RTCA: variants seen among roughly 807,000 people sequenced by gnomAD.
RTCA encodes the protein RNA 3'-terminal phosphate cyclase, also known as RNA terminal phosphate cyclase domain 1.
Under a neutral mutation model 46.1 loss-of-function variants are expected in RTCA, and 37 were observed. That is an observed-to-expected ratio of 0.80 (90% CI 0.62 to 1.06). The LOEUF (loss-of-function observed/expected upper bound fraction) is 1.06, where lower values mean the gene tolerates loss of function less well. Among genes scored for constraint, RTCA ranks in the 50% least tolerant of loss-of-function variants. The pLI is 0.00. For missense variants in RTCA, 435 were observed against 455.5 expected, an observed-to-expected ratio of 0.95 and a Z score of 0.41; for synonymous variants, 164 against 158.3, an observed-to-expected ratio of 1.04 and a Z score of -0.27.
chr1:100,275,634 C>T lies in RTCA; in HGVS notation c.651C>T (p.Cys217=). 6.2e-7 allele frequency: 1 copy of T among 1,611,536 alleles called. No homozygotes were observed. The highest frequency in any genetic ancestry group is 1.1e-5 in the South Asian group (1 of 90,496). The part of the protein sequence containing the change: ...AKDMAAAAVR[C]IRKEIRDLYV... ...ATATGGCAGCGGCAGCAGTTAGATG[C>T]ATCAGAAAGGAGATCCGGGATTTGT... is the stretch of plus-strand genomic sequence containing the variant. The change falls in exon 7 of 11, where the codon TGC becomes TGT. Residue 217 remains cysteine, a synonymous_variant. Coordinates refer to ENST00000370128, the MANE Select transcript of RTCA (RefSeq NM_003729.4).
At chr1:100,270,446 G>C (rs1666022317) in intron 3 of RTCA, 111 bp from the exon 4 acceptor site, 5 of 1,318,830 alleles carry the variant, frequency 3.8e-6, no homozygotes, top group Non-Finnish European at 5.2e-6. Flanking sequence ...TGCCTTCACA[G>C]TTGTCTGTGC....
At chr1:100,267,650 A>G (rs1570870558) in intron 2 of RTCA, 3 of 752,906 alleles carry the variant, frequency 4.0e-6, no homozygotes, top group Admixed American at 7.9e-5. Context: ...TGTATGTTCT[A>G]GTTTTTTTTT....
At chr1:100,283,160 C>CTTTTT (rs71084815) in intron 8 of RTCA, among the ~76,000 whole-genome samples, 3 of 102,090 alleles carry the variant, frequency 2.9e-5, no homozygotes, top group Non-Finnish European at 5.6e-5. Context: ...CCAAATATTC[C>CTTTTT]TTTTTTTTTT....
chr1:100,269,217 A>G (rs1665947220), intron 3 of RTCA, among the ~76,000 whole-genome samples: 1 of 151,826 alleles, frequency 6.6e-6, no homozygotes. Flanking sequence ...AAAGATAATG[A>G]CCAAGTGTTT....
chr1:100,285,360 T>A (rs1045138873), intron 9 of RTCA, 38 bp downstream of exon 9: 3 of 1,332,746 alleles, frequency 2.3e-6, no homozygotes, highest in Non-Finnish European at 3.2e-6. Flanking sequence ...TCTAACCTGT[T>A]AGATTTGAAT....
chr1:100,274,775 T>C (rs995930775), intron 5 of RTCA, 49 bp from the exon 6 acceptor site: 2 of 1,550,458 alleles, frequency 1.3e-6, no homozygotes, highest in Non-Finnish European at 1.8e-6. Flanking sequence ...TAGAGCTTTG[T>C]TTTTGTCATG....
chr1:100,287,912 G>A (rs545189176), intron 10 of RTCA, among the ~76,000 whole-genome samples: 48 of 151,454 alleles, frequency 3.2e-4, no homozygotes, highest in Non-Finnish European at 5.1e-4. Flanking sequence ...TCCTGCCTTA[G>A]CCTCCCAAGT....
intron 3 of RTCA, 108 bp downstream of exon 3, chr1:100,268,403 GTT>G (rs5776503): frequency 3.7e-4 from 267 of 712,060 alleles, no homozygotes; most frequent in Admixed American, 4.0e-4. Context: ...CTACTTTTAT[GTT>G]TTTTTTTTTT....
intron 3 of RTCA, 24 bp downstream of exon 3, chr1:100,268,319 T>A: frequency 1.3e-6 from 2 of 1,561,332 alleles, no homozygotes; most frequent in South Asian, 2.3e-5. Flanking sequence ...AACATTCCAT[T>A]TAAGTAACCT....
intron 8 of RTCA, among the ~76,000 whole-genome samples, chr1:100,283,495 C>T (rs1485069553): frequency 6.6e-6 from 1 of 152,146 alleles, no homozygotes; most frequent in Non-Finnish European, 1.5e-5. Context: ...AATCCAAAAT[C>T]TGAAACCTTC....
chr1:100,286,017 C>T (rs960793880), intron 9 of RTCA, among the ~76,000 whole-genome samples: 1 of 152,140 alleles, frequency 6.6e-6, no homozygotes, highest in Non-Finnish European at 1.5e-5. Flanking sequence ...TTAGTTTGTC[C>T]AGTCTCATGG....
At chr1:100,290,264 T>C (rs914883112) in intron 10 of RTCA, among the ~76,000 whole-genome samples, 1 of 152,036 alleles carries the variant, frequency 6.6e-6, no homozygotes, top group African/African-American at 2.4e-5. Context: ...TTTAATTGTT[T>C]TGATTTTTTT....
chr1:100,268,044 T>C lies in RTCA; in HGVS notation c.147-108T>C, dbSNP rs896472897. On this transcript the variant is annotated intron_variant, in intron 2 of 10. Transcript: ENST00000370128. ...ACTGAAGATGTGGCACTTACTGTGG[T>C]TAGACCTTGCTGTTTTCTTGCCATT... 75 of 1,508,404 alleles carry C rather than the reference T, an allele frequency of 5.0e-5. No individual in the cohort carries two copies. The South Asian group carries it at 9.7e-4, about 19-fold the overall frequency. The allele number at this position is 1,508,404 out of a possible 1,614,324, so 93.4% of individuals were successfully genotyped here.
intron 5 of RTCA, 133 bp from the exon 6 acceptor site, chr1:100,274,691 A>G (rs184370645): frequency 4.0e-6 from 4 of 1,003,948 alleles, no homozygotes; most frequent in Non-Finnish European, 5.5e-6. Flanking sequence ...TTTACAAAAT[A>G]CAGACCTAAA....
At chr1:100,267,935 G>T in intron 2 of RTCA, 1 of 590,894 alleles carries the variant, frequency 1.7e-6, no homozygotes, top group Non-Finnish European at 2.9e-6. Context: ...TTTATAGTCA[G>T]AAATAACTGG....
chr1:100,273,481 A>G (rs752267251), intron 5 of RTCA, 29 bp downstream of exon 5: 93 of 1,426,262 alleles, frequency 6.5e-5, no homozygotes, highest in Non-Finnish European at 8.6e-5. Context: ...AAATGTTAGG[A>G]TCTATTACTT....
intron 10 of RTCA, among the ~76,000 whole-genome samples, chr1:100,290,490 G>C (rs1328187081): frequency 2.6e-5 from 4 of 152,162 alleles, no homozygotes; most frequent in Non-Finnish European, 5.9e-5. Context: ...AGTGATATAG[G>C]CCAGGCACAA....
At chr1:100,269,247 T>C (rs1665950244) in intron 3 of RTCA, among the ~76,000 whole-genome samples, 1 of 152,056 alleles carries the variant, frequency 6.6e-6, no homozygotes, top group South Asian at 2.1e-4. Flanking sequence ...AAATTCATCA[T>C]GTTACATAAC....
At position 100,287,128 on chromosome 1, in the gene RTCA, A is replaced by G; in HGVS notation, c.924A>G (p.Gly308=). The change falls in exon 10 of 11, where the codon GGA becomes GGG. Residue 308 remains glycine (G), a synonymous_variant. Transcript: ENST00000370128. ...QLIVFMALAN[G]VSRIKTGPVT... is the part of the protein sequence containing the mutation. ...TTGTTTTCATGGCATTAGCCAATGG[A>G]GTTTCCAGAATAAAAACAGGACCAG... 6.3e-7 allele frequency: 1 copy of G among 1,581,322 alleles called. No individual in the cohort carries two copies.
Sources: allele counts gnomAD v4.1 joint callset (sites outside exome capture counted in the v4.1 genomes callset), GRCh38; gene constraint gnomAD v4.1.1; transcripts MANE v1.5; gene names NCBI Gene and HGNC (gene_info 2026-07-23, HGNC 2026-07-21).